Variants in MYBL1 observed in about 807,000 individuals in gnomAD.
The protein encoded by MYBL1 is myb-related protein A.
MYBL1 carries 17 observed loss-of-function variants against 96.3 expected under a neutral mutation model. The observed-to-expected ratio is 0.18, with a 90% CI of 0.12 to 0.26. The LOEUF is 0.26. Ranked by LOEUF, MYBL1 falls within the 10% of genes least tolerant of loss-of-function variation. The probability of loss-of-function intolerance (pLI) is 1.00; values close to 1 mark genes in which losing one functional copy is unlikely to be tolerated. For missense variants in MYBL1, 701 were observed against 882.9 expected, an observed-to-expected ratio of 0.79 and a Z score of 2.61; for synonymous variants, 282 against 292.7, an observed-to-expected ratio of 0.96 and a Z score of 0.37.
chr8:66,580,410 T>A, intron 8 of MYBL1, 44 bp from the exon 9 acceptor site: 3 of 1,299,440 alleles, frequency 2.3e-6, no homozygotes, highest in Non-Finnish European at 3.2e-6. Context: ...TCATTCTCAA[T>A]GTAGGCATAA....
Position 66,576,059 on chromosome 8 carries a change from T to A in MYBL1, c.1418A>T (p.Asn473Ile). Reference sequence around the variant, plus strand: ...CAGTGGTGTATGTTTTAGCGCCATATTACCACCATCGTTCAATGAGCCATC... The same window carrying A: ...CAGTGGTGTATGTTTTAGCGCCATAATACCACCATCGTTCAATGAGCCATC... ...LRDGSLNDGG[N>I]MALKHTPLKT... The change falls in exon 10 of 16, where the codon AAT becomes ATT. Residue 473 changes from asparagine to isoleucine, a missense_variant. Physicochemically the swap from Asn to Ile is moderately radical, Grantham distance 149 (BLOSUM62 -3). Coordinates refer to ENST00000522677, the MANE Select transcript of MYBL1 (RefSeq NM_001080416.4). 1 of 1,613,952 alleles carries A rather than the reference T, an allele frequency of 6.2e-7. No homozygotes were observed. The highest frequency in any genetic ancestry group is 1.3e-5 in the African/African-American group (1 of 75,026).
At chr8:66,572,395 A>T (rs886360421) in intron 12 of MYBL1, 87 bp downstream of exon 12, 12 of 607,232 alleles carry the variant, frequency 2.0e-5, no homozygotes, top group Non-Finnish European at 1.6e-5. Context: ...ATCTTTTTTT[A>T]AATGTTAAAA....
intron 3 of MYBL1, among the ~76,000 whole-genome samples, chr8:66,599,730 G>A (rs1809992838): frequency 6.6e-6 from 1 of 151,988 alleles, no homozygotes; most frequent in African/African-American, 2.4e-5. Flanking sequence ...AACCCAGGAG[G>A]TGGAGGTTGC....
At chr8:66,612,739 C>T in intron 1 of MYBL1, 80 bp downstream of exon 1, 1 of 1,295,050 alleles carries the variant, frequency 7.7e-7, no homozygotes, top group Non-Finnish European at 9.9e-7. Flanking sequence ...GGCCTTATGG[C>T]GGGAGGGGGC....
chr8:66,572,942 C>T (rs1045607233), intron 11 of MYBL1, among the ~76,000 whole-genome samples: 1 of 152,044 alleles, frequency 6.6e-6, no homozygotes, highest in Non-Finnish European at 1.5e-5. Context: ...TGGCCGGCCA[C>T]AGTGGCTCAC....
At chr8:66,601,323 T>A (rs778339729) in intron 3 of MYBL1, among the ~76,000 whole-genome samples, 1 of 152,006 alleles carries the variant, frequency 6.6e-6, no homozygotes, top group South Asian at 2.1e-4. Flanking sequence ...AAGGTAAGCC[T>A]CAGATGATAA....
intron 8 of MYBL1, among the ~76,000 whole-genome samples, chr8:66,584,269 T>C (rs1167479998): frequency 6.6e-6 from 1 of 152,202 alleles, no homozygotes; most frequent in African/African-American, 2.4e-5. Flanking sequence ...AACATCATAC[T>C]GAACAAGGAA....
chr8:66,566,064 C>T lies in MYBL1; in HGVS notation c.2130G>A (p.Gln710=). 6.6e-7 allele frequency: 1 copy of T among 1,506,974 alleles called. No individual in the cohort carries two copies. The highest frequency in any genetic ancestry group is 8.9e-7 in the Non-Finnish European group (1 of 1,122,374). The allele number at this position is 1,506,974 out of a possible 1,614,324, so 93.4% of individuals were successfully genotyped here. Residue 710 remains glutamine, a splice_region_variant and synonymous_variant, in exon 15 of 16, where the codon CAG becomes CAA. Coordinates refer to ENST00000522677, the MANE Select transcript of MYBL1 (RefSeq NM_001080416.4). ...ACTAAAGAAATTTATAAATCCATAC[C>T]TGAAGATTCTTTTCCAATTTGACAA... ...SKVVKLEKNL[Q]SNCEWETVVY... is the part of the protein sequence containing the mutation.
intron 8 of MYBL1, among the ~76,000 whole-genome samples, chr8:66,581,176 T>G (rs905324604): frequency 5.3e-5 from 8 of 152,202 alleles, no homozygotes; most frequent in African/African-American, 1.7e-4. Context: ...CTTCATCTGA[T>G]TATACACTTT....
intron 12 of MYBL1, among the ~76,000 whole-genome samples, chr8:66,570,086 G>C (rs1808668484): frequency 6.6e-6 from 1 of 152,160 alleles, no homozygotes; most frequent in South Asian, 2.1e-4. Context: ...TTACTGCAAA[G>C]AGATGTATGA....
chr8:66,593,905 G>T lies in MYBL1; in HGVS notation c.688-711C>A, dbSNP rs199723018. ...AATTCCAGCACTTTGGGAGGCTGAGGGGGTATGGTCGCTTGAGCCCAGGAG... is the reference window on the plus strand; with the variant it reads ...AATTCCAGCACTTTGGGAGGCTGAGTGGGTATGGTCGCTTGAGCCCAGGAG... On this transcript the variant is annotated intron_variant, in intron 6 of 15. Coordinates refer to ENST00000522677, the MANE Select transcript of MYBL1 (RefSeq NM_001080416.4). Among the ~76,000 whole-genome samples, 5 of 152,090 alleles carry T rather than the reference G, an allele frequency of 3.3e-5. No individual in the cohort carries two copies. The East Asian group carries it at 7.7e-4, about 23-fold the overall frequency.
At chr8:66,609,973 C>T (rs1810466466) in intron 1 of MYBL1, among the ~76,000 whole-genome samples, 1 of 151,950 alleles carries the variant, frequency 6.6e-6, no homozygotes, top group Non-Finnish European at 1.5e-5. Context: ...TATACACACA[C>T]ATATACATAA....
At chr8:66,599,248 T>C in intron 3 of MYBL1, 106 bp from the exon 4 acceptor site, 2 of 594,194 alleles carry the variant, frequency 3.4e-6, no homozygotes, top group Admixed American at 3.6e-5. Context: ...AAGAATAGTG[T>C]ATTCAATAGC....
rs147202096 is a variant in MYBL1, at chr8:66,604,254, C to T, written c.21-1731G>A. Among the ~76,000 whole-genome samples, 12 of 151,990 alleles carry T rather than the reference C, an allele frequency of 7.9e-5. No homozygotes were observed. The East Asian group carries it at 2.3e-3, about 29-fold the overall frequency. ...TTTTTTAAAATTAAGATGGGCTGGG[C>T]GTGGACACCTGTAATCCCAGCACTT... On this transcript the variant is annotated intron_variant, in intron 1 of 15. Coordinates refer to ENST00000522677, the MANE Select transcript of MYBL1 (RefSeq NM_001080416.4).
chr8:66,607,134 A>C lies in MYBL1; in HGVS notation c.21-4611T>G, dbSNP rs1389340897. 6.1e-3 allele frequency among the ~76,000 whole-genome samples: 907 copies of C among 149,494 alleles called. 5 individuals carry two copies. Among genetic ancestry groups the C allele is most frequent in the East Asian group, 0.015 (75 of 5,076 alleles). ...ATTAAACTGTGTTAAAACAACAAAA[A>C]AAAAAAAAAAAAAAAACTCTACAGG... On this transcript the variant is annotated intron_variant, in intron 1 of 15. Coordinates refer to ENST00000522677, the MANE Select transcript of MYBL1 (RefSeq NM_001080416.4).
chr8:66,583,824 G>T (rs556924481), intron 8 of MYBL1, among the ~76,000 whole-genome samples: 60 of 152,176 alleles, frequency 3.9e-4, no homozygotes, highest in African/African-American at 1.4e-3. Context: ...GCAATAAAAC[G>T]TCTCCTATAA....
chr8:66,578,548 T>C (rs984609933), intron 9 of MYBL1, among the ~76,000 whole-genome samples: 1 of 150,996 alleles, frequency 6.6e-6, no homozygotes, highest in Non-Finnish European at 1.5e-5. Context: ...CTCACACCAG[T>C]TAGAATGGCA....
At chr8:66,571,909 C>A (rs1212263137) in intron 12 of MYBL1, among the ~76,000 whole-genome samples, 2 of 151,256 alleles carry the variant, frequency 1.3e-5, no homozygotes, top group Admixed American at 6.6e-5. Flanking sequence ...GAAAAGAGTT[C>A]CACTGACACC....
intron 1 of MYBL1, among the ~76,000 whole-genome samples, chr8:66,604,551 T>G (rs1036603737): frequency 7.1e-4 from 108 of 151,312 alleles, no homozygotes; most frequent in African/African-American, 2.6e-3. Flanking sequence ...TACAATAAAA[T>G]AAACTGGAGT....
Sources: gnomAD v4.1 joint callset for allele counts (sites outside exome capture counted in the v4.1 genomes callset) on GRCh38, gnomAD v4.1.1 for gene constraint, MANE v1.5 for transcripts, NCBI Gene and HGNC (gene_info 2026-07-23, HGNC 2026-07-21) for gene names.